ADAMTSL5: variants seen among roughly 807,000 people sequenced by gnomAD.
ADAMTSL5 encodes ADAMTS like 5.
Under a neutral mutation model 51.7 loss-of-function variants are expected in ADAMTSL5, and 53 were observed. The ratio of observed to expected loss-of-function variants is 1.03; its 90% CI spans 0.82 to 1.29. The LOEUF (loss-of-function observed/expected upper bound fraction) is 1.29, where lower values mean the gene tolerates loss of function less well. Among genes scored for constraint, ADAMTSL5 ranks in the 50% most tolerant of loss-of-function variants. The pLI, the probability that ADAMTSL5 is intolerant of heterozygous loss-of-function variation, is 0.00. For synonymous variants in ADAMTSL5, 285 were observed against 278.7 expected, an observed-to-expected ratio of 1.02 and a Z score of -0.23; for missense variants, 770 against 676.2, an observed-to-expected ratio of 1.14 and a Z score of -1.54.
At position 1,510,649 on chromosome 19, in the gene ADAMTSL5, G is replaced by C; in HGVS notation, c.181C>G (p.Arg61Gly). The change falls in exon 3 of 12, where the codon CGC (arginine) becomes GGC (glycine). Residue 61 changes from arginine (R) to glycine (G), a missense_variant. Transcript: ENST00000330475. Reference protein sequence around the residue: ...CGRGVSVRSRRCLRLPGEEPC... With the variant: ...CGRGVSVRSRGCLRLPGEEPC... ...CCGGGCCCCGCTCACCGGAGGCAGC[G>C]CCGGCTGCGCACAGAGACGCCACGC... 6.5e-7 allele frequency: 1 copy of C among 1,537,016 alleles called. No individual in the cohort carries two copies. The highest frequency in any genetic ancestry group is 8.8e-7 in the Non-Finnish European group (1 of 1,140,716).
At position 1,506,829 on chromosome 19, in the gene ADAMTSL5, G is replaced by A. The variant is rs533580332; in HGVS notation, c.952C>T (p.Pro318Ser). The A allele has an allele frequency of 4.5e-6, 7 of 1,539,668 alleles. No homozygotes were observed. In the African/African-American group the frequency reaches 6.9e-5, roughly 15 times the overall value. ...CCCCGGGGCTGAGGCTGCCTCAGGG[G>A]CCAGCCCAGGGCCTGCACACGAGCC... The part of the protein sequence containing the change: ...FQARVQALGW[P>S]LRQPQPRGVE... Residue 318 changes from proline to serine, a missense_variant, in exon 10 of 12, where the codon CCC becomes TCC. Coordinates refer to ENST00000330475, the MANE Select transcript of ADAMTSL5 (RefSeq NM_213604.3). The surrounding 1 kb of genome is among the most constrained non-coding windows in gnomAD (Gnocchi z 5.6).
chr19:1,508,747 A>C, intron 5 of ADAMTSL5, 177 bp from the exon 6 acceptor site: 1 of 714,810 alleles, frequency 1.4e-6, no homozygotes, highest in Non-Finnish European at 2.1e-6. Context: ...GCGTCCAGCA[A>C]CCTGGGACTC....
Position 1,508,043 on chromosome 19 carries a change from C to T in ADAMTSL5, c.556G>A (p.Ala186Thr), listed in dbSNP as rs753857812. 4.2e-5 allele frequency: 67 copies of T among 1,608,936 alleles called. No homozygotes were observed. Among genetic ancestry groups the T allele is most frequent in the Non-Finnish European group, 5.3e-5 (62 of 1,178,454 alleles). The change falls in exon 7 of 12, where the codon GCC becomes ACC. Residue 186 changes from alanine (A) to threonine (T), a missense_variant. Coordinates refer to ENST00000330475, the MANE Select transcript of ADAMTSL5 (RefSeq NM_213604.3). ...TGCACGAAAAGGCACGAGTCGTTGG[C>T]GCCTCCGCAGCGGCCACAGCGGTCC... The part of the protein sequence containing the change: ...LEDRCGRCGG[A>T]NDSCLFVQRV...
chr19:1,506,100 A>C lies in ADAMTSL5; in HGVS notation c.1331T>G (p.Leu444Arg), dbSNP rs766183616. The change falls in exon 12 of 12, where the codon CTG becomes CGG. Residue 444 changes from leucine (L) to arginine (R), a missense_variant. Coordinates refer to ENST00000330475, the MANE Select transcript of ADAMTSL5 (RefSeq NM_213604.3). This position sits in a 1 kb window ranked among gnomAD's most constrained non-coding sequence, Gnocchi z 5.6. ...VSPDGTQDQL[L>R]LPHAGYARPW... ...CCGGGCGTAGCCGGCGTGGGGCAGC[A>C]GCAGCTGGTCCTGTGTGCCGTCGGG... 1.9e-5 allele frequency: 31 copies of C among 1,605,834 alleles called. No individual in the cohort carries two copies. The highest frequency in any genetic ancestry group is 2.4e-5 in the Non-Finnish European group (28 of 1,178,018).
At position 1,506,665 on chromosome 19, in the gene ADAMTSL5, T is replaced by C. The variant is rs1376201570; in HGVS notation, c.1043-4A>G. ...TCAGGGCAGGGTGGGCAGGGGTCTG[T>C]GGGATGGGCGGTGCTGTGAGGGGCA... is the stretch of plus-strand genomic sequence containing the variant. On this transcript the variant is annotated splice_polypyrimidine_tract_variant and splice_region_variant and intron_variant, in intron 10 of 11. Coordinates refer to ENST00000330475, the MANE Select transcript of ADAMTSL5 (RefSeq NM_213604.3). The surrounding 1 kb of genome is among the most constrained non-coding windows in gnomAD (Gnocchi z 5.6). 11 of 1,601,494 alleles carry C rather than the reference T, an allele frequency of 6.9e-6. No homozygotes were observed. The African/African-American group carries it at 8.1e-5, about 12-fold the overall frequency.
Position 1,507,284 on chromosome 19 carries a change from T to C in ADAMTSL5, c.810A>G (p.Thr270=), listed in dbSNP as rs768130169. ...GGGAGGTGGGCCCGGCTGCTTGCAA[T>C]GTCTCCTGGGGCCCTGTGTCTCGGG... is the stretch of plus-strand genomic sequence containing the variant. ...VYTRDTGPQE[T]LQAAGPTSHD... is the part of the protein sequence containing the mutation. Residue 270 remains threonine (T), a synonymous_variant, in exon 9 of 12, where the codon ACA becomes ACG. Coordinates refer to ENST00000330475, the MANE Select transcript of ADAMTSL5 (RefSeq NM_213604.3). 1.3e-6 allele frequency: 2 copies of C among 1,569,018 alleles called. No individual in the cohort carries two copies. The highest frequency in any genetic ancestry group is 3.8e-5 in the Admixed American group (2 of 52,728).
Position 1,505,925 on chromosome 19 carries a change from G to C in ADAMTSL5, c.*90C>G. 6.4e-6 allele frequency: 9 copies of C among 1,416,442 alleles called. No individual in the cohort carries two copies. In the South Asian group the frequency reaches 1.0e-4, roughly 16 times the overall value. The allele number at this position is 1,416,442 out of a possible 1,614,324, so 87.7% of individuals were successfully genotyped here. A position where few individuals can be genotyped will look rare whatever the true frequency, so the allele number is the denominator to read the frequency against. ...GGTGGGACGTATTTCAGAGCTGCCT[G>C]GAAGCCAGGGTGAGAGGGGAAATAC... On this transcript the variant is annotated 3_prime_UTR_variant, in exon 12 of 12. Coordinates refer to ENST00000330475, the MANE Select transcript of ADAMTSL5 (RefSeq NM_213604.3).
rs1912879313 is a variant in ADAMTSL5 at position 1,505,691 on chromosome 19, A to C, written c.*324T>G. On this transcript the variant is annotated 3_prime_UTR_variant, in exon 12 of 12. Transcript: ENST00000330475. ...TCGTTCATGACAGTGTCTCCAAGCA[A>C]GTGTGACGCGCGCAAAGAGAAAGAA... is the stretch of plus-strand genomic sequence containing the variant. 12 of 261,938 alleles carry C rather than the reference A, an allele frequency of 4.6e-5. No individual in the cohort carries two copies. Among genetic ancestry groups the C allele is most frequent in the East Asian group, 1.6e-4 (2 of 12,288 alleles). 16.2% of individuals were successfully genotyped at this position (261,938 alleles called of 1,614,324 possible).
intron 1 of ADAMTSL5, chr19:1,511,897 A>C (rs1282589171): frequency 1.6e-5 from 4 of 243,024 alleles, no homozygotes; most frequent in Non-Finnish European, 3.4e-5. Flanking sequence ...TCGGTGCCTC[A>C]TGGCCTCATC....
chr19:1,512,548 T>G (rs766646240), intron 1 of ADAMTSL5, among the ~76,000 whole-genome samples: 3 of 152,108 alleles, frequency 2.0e-5, no homozygotes, highest in Non-Finnish European at 4.4e-5. Flanking sequence ...GGTGTGGTGG[T>G]GCACACCTGT....
At chr19:1,510,050 A>C in intron 5 of ADAMTSL5, 100 bp downstream of exon 5, 1 of 936,414 alleles carries the variant, frequency 1.1e-6, no homozygotes, top group Non-Finnish European at 1.6e-6. Flanking sequence ...CCCTAGCACT[A>C]ATACCCTCTT....
chr19:1,505,971 G>C lies in ADAMTSL5; in HGVS notation c.*44C>G. On this transcript the variant is annotated 3_prime_UTR_variant, in exon 12 of 12. Transcript: ENST00000330475. Reference sequence around the variant, plus strand: ...AATACGTTGACGTTGAGGCTGGTCAGATGTATCTTTCTTGCTGTGTGTGGC... The same window carrying C: ...AATACGTTGACGTTGAGGCTGGTCACATGTATCTTTCTTGCTGTGTGTGGC... The C allele has an allele frequency of 6.8e-7, 1 of 1,480,514 alleles. No homozygotes were observed. The highest frequency in any genetic ancestry group is 8.9e-7 in the Non-Finnish European group (1 of 1,121,334). 91.7% of individuals were successfully genotyped at this position (1,480,514 alleles called of 1,614,324 possible).
Position 1,506,840 on chromosome 19 carries a change from G to A in ADAMTSL5, c.941C>T (p.Ala314Val). 6.5e-7 allele frequency: 1 copy of A among 1,542,804 alleles called. No individual in the cohort carries two copies. Residue 314 changes from alanine (A) to valine (V), a missense_variant, in exon 10 of 12, where the codon GCC becomes GTC. Ala to Val is a moderately conservative substitution (Grantham distance 64). Coordinates refer to ENST00000330475, the MANE Select transcript of ADAMTSL5 (RefSeq NM_213604.3). The surrounding 1 kb of genome is among the most constrained non-coding windows in gnomAD (Gnocchi z 5.6). ...AGGCTGCCTCAGGGGCCAGCCCAGG[G>A]CCTGCACACGAGCCTGGAAGGGGCT... is the stretch of plus-strand genomic sequence containing the variant. ...RYSPFQARVQ[A>V]LGWPLRQPQP...
rs371059305 is a variant in ADAMTSL5 at position 1,506,305 on chromosome 19, G to C, written c.1126C>G (p.Arg376Gly). Residue 376 changes from arginine to glycine, a missense_variant, in exon 12 of 12, where the codon CGA becomes GGA. Transcript: ENST00000330475. The surrounding 1 kb of genome is among the most constrained non-coding windows in gnomAD (Gnocchi z 5.6). ...YCGSDFVFQA[R>G]VLGHHHQAQE... ...GCCTGGTGGTGGTGGCCCAGCACTC[G>C]GGCCTGGAACACTGTTGAGGGGACG... The C allele has an allele frequency of 1.9e-6, 3 of 1,547,430 alleles. No homozygotes were observed. The highest frequency in any genetic ancestry group is 2.7e-5 in the African/African-American group (2 of 73,532).
In ADAMTSL5 at chr19:1,510,571, G is replaced by A. The variant is rs919874645; in HGVS notation, c.191+68C>T. ...CACAGCATGTGTGGGCAGGCCGAGG[G>A]TGCGGCCAGGGGCCGGGCTGGGCCG... is the stretch of plus-strand genomic sequence containing the variant. On this transcript the variant is annotated intron_variant, in intron 3 of 11. Coordinates refer to ENST00000330475, the MANE Select transcript of ADAMTSL5 (RefSeq NM_213604.3). The A allele has an allele frequency of 3.4e-6, 5 of 1,470,316 alleles. No individual in the cohort carries two copies. In the Admixed American group the frequency reaches 7.0e-5, roughly 20 times the overall value. 91.1% of individuals were successfully genotyped at this position (1,470,316 alleles called of 1,614,324 possible).
In ADAMTSL5 at chr19:1,506,394, G is replaced by GGACT; in HGVS notation, c.1115-82_1115-79dup. On this transcript the variant is annotated intron_variant, in intron 11 of 11. Coordinates refer to ENST00000330475, the MANE Select transcript of ADAMTSL5 (RefSeq NM_213604.3). The surrounding 1 kb of genome is among the most constrained non-coding windows in gnomAD (Gnocchi z 5.6). The stretch of plus-strand genomic sequence containing the variant: ...TACGCCCCCTCCCTTGCCAGAAGAG[G>GGACT]GACTGAGGGTCAGGTGGGACCTCGG... 6.6e-7 allele frequency: 1 copy of GGACT among 1,505,926 alleles called. No homozygotes were observed. The highest frequency in any genetic ancestry group is 8.9e-7 in the Non-Finnish European group (1 of 1,121,132). The allele number at this position is 1,505,926 out of a possible 1,614,324, so 93.3% of individuals were successfully genotyped here.
At position 1,506,225 on chromosome 19, in the gene ADAMTSL5, T is replaced by G; in HGVS notation, c.1206A>C (p.Pro402=). 6.3e-7 allele frequency: 1 copy of G among 1,597,782 alleles called. No homozygotes were observed. The highest frequency in any genetic ancestry group is 2.2e-5 in the East Asian group (1 of 44,586). Residue 402 remains proline, a synonymous_variant, in exon 12 of 12, where the codon CCA becomes CCC. Coordinates refer to ENST00000330475, the MANE Select transcript of ADAMTSL5 (RefSeq NM_213604.3). This position sits in a 1 kb window ranked among gnomAD's most constrained non-coding sequence, Gnocchi z 5.6. ...RIQLVYKNRS[P]LRAREYVWAP... ...CCCACACGTACTCGCGTGCCCGCAG[T>G]GGCGAGCGGTTCTTGTAGACGAGCT... is the stretch of plus-strand genomic sequence containing the variant.
Position 1,510,917 on chromosome 19 carries a change from C to T in ADAMTSL5, c.27G>A (p.Arg9=). 1.4e-6 allele frequency: 2 copies of T among 1,475,124 alleles called. No individual in the cohort carries two copies. Among genetic ancestry groups the T allele is most frequent in the Admixed American group, 2.8e-5 (1 of 36,338 alleles). 91.4% of individuals were successfully genotyped at this position (1,475,124 alleles called of 1,614,324 possible). A position where few individuals can be genotyped will look rare whatever the true frequency, so the allele number is the denominator to read the frequency against. The part of the protein sequence containing the change: MDSAPLFP[R]PHLFQNLLLF... Reference sequence around the variant, plus strand: ...GCAGGAGGTTCTGGAAGAGGTGGGGCCTGGGGAACAGAGGGGCCGAGTCCA... The same window carrying T: ...GCAGGAGGTTCTGGAAGAGGTGGGGTCTGGGGAACAGAGGGGCCGAGTCCA... The change falls in exon 2 of 12, where the codon AGG becomes AGA. Residue 9 remains arginine, a synonymous_variant. Transcript: ENST00000330475.
intron 6 of ADAMTSL5, 77 bp downstream of exon 6, chr19:1,508,366 G>T: frequency 7.0e-7 from 1 of 1,435,508 alleles, no homozygotes; most frequent in Non-Finnish European, 9.2e-7. Context: ...TGGGAGGAGG[G>T]CGGAGGTGGA....
Sources: allele counts gnomAD v4.1 joint callset (sites outside exome capture counted in the v4.1 genomes callset), GRCh38; gene constraint gnomAD v4.1.1; non-coding constraint Gnocchi (gnomAD v3.1); transcripts MANE v1.5; gene names NCBI Gene and HGNC (gene_info 2026-07-23, HGNC 2026-07-21).